Variants in ZNFX1 observed in about 807,000 individuals in gnomAD.
ZNFX1 encodes the protein NFX1-type zinc finger-containing protein 1.
A neutral mutation model predicts 179.8 loss-of-function variants in ZNFX1; 78 were observed. The ratio of observed to expected loss-of-function variants is 0.43; its 90% CI spans 0.36 to 0.52. The LOEUF is 0.52. Ranked by LOEUF, ZNFX1 falls within the 20% of genes least tolerant of loss-of-function variation. The pLI, the probability that ZNFX1 is intolerant of heterozygous loss-of-function variation, is 0.00. For synonymous variants in ZNFX1, 848 were observed against 868.5 expected (o/e 0.98, Z 0.42); for missense variants, 1,927 against 2,386.6 (o/e 0.81, Z 4.01).
At position 49,252,733 on chromosome 20, in the gene ZNFX1, C is replaced by T. The variant is rs754075576; in HGVS notation, c.3203G>A (p.Arg1068His). ...CCAGCTTCTCACCTGGTAATTCAGA[C>T]GGACAAAGGGAATGTTTACTTTCAC... ...RLVKVNIPFV[R>H]LNYQHRMCPE... Residue 1068 changes from arginine (R) to histidine (H), a missense_variant, in exon 12 of 14, where the codon CGT (arginine) becomes CAT (histidine). Coordinates refer to ENST00000396105, the MANE Select transcript of ZNFX1 (RefSeq NM_021035.3). 6.1e-5 allele frequency: 98 copies of T among 1,613,636 alleles called. No homozygotes were observed. The South Asian group carries it at 7.1e-4, about 12-fold the overall frequency.
intron 8 of ZNFX1, 94 bp from the exon 9 acceptor site, chr20:49,256,041 C>T: frequency 2.8e-6 from 4 of 1,424,422 alleles, no homozygotes; most frequent in Non-Finnish European, 2.9e-6. Flanking sequence ...AGAAAAAGGG[C>T]TGGCATCACT....
In ZNFX1 at chr20:49,264,741, A is replaced by C; in HGVS notation, c.2126T>G (p.Met709Arg). The C allele has an allele frequency of 6.2e-7, 1 of 1,614,124 alleles. No homozygotes were observed. Among genetic ancestry groups the C allele is most frequent in the Non-Finnish European group, 8.5e-7 (1 of 1,180,030 alleles). Residue 709 changes from methionine (M) to arginine (R), a missense_variant, in exon 5 of 14, where the codon ATG becomes AGG. Met to Arg is a moderately conservative substitution (Grantham distance 91, BLOSUM62 -1). Transcript: ENST00000396105. The stretch of plus-strand genomic sequence containing the variant: ...ACTCATGTAGGCCCTTCGGAGGTGC[A>C]TGGGGAGGTTGCGGCGGAATTCCCG... Reference protein sequence around the residue: ...NKREFRRNLPMHLRRAYMSIM... With the variant: ...NKREFRRNLPRHLRRAYMSIM...
chr20:49,268,003 A>G (rs1667710803), intron 3 of ZNFX1, among the ~76,000 whole-genome samples: 1 of 151,812 alleles, frequency 6.6e-6, no homozygotes. Flanking sequence ...CCTCCCGAGT[A>G]GCTGGGACTA....
chr20:49,248,263 C>G lies in ZNFX1; in HGVS notation c.4761G>C (p.Gln1587His). 1 of 1,614,176 alleles carries G rather than the reference C, an allele frequency of 6.2e-7. No individual in the cohort carries two copies. The highest frequency in any genetic ancestry group is 8.5e-7 in the Non-Finnish European group (1 of 1,180,040). ...CAAAGATGTGGCTGCAGTCTTCCAG[C>G]TGCACAAAGCGGGCATCAGGCTCAT... The part of the protein sequence containing the change: ...FEDEPDARFV[Q>H]LEDCSHIFEV... The change falls in exon 14 of 14, where the codon CAG becomes CAC. Residue 1587 changes from glutamine (Q) to histidine (H), a missense_variant. Coordinates refer to ENST00000396105, the MANE Select transcript of ZNFX1 (RefSeq NM_021035.3). This position sits in a 1 kb window ranked among gnomAD's most constrained non-coding sequence, Gnocchi z 4.6.
chr20:49,270,136 G>A lies in ZNFX1; in HGVS notation c.1676C>T (p.Pro559Leu). The A allele has an allele frequency of 6.2e-7, 1 of 1,614,160 alleles. No individual in the cohort carries two copies. Among genetic ancestry groups the A allele is most frequent in the South Asian group, 1.1e-5 (1 of 91,074 alleles). The change falls in exon 3 of 14, where the codon CCC becomes CTC. Residue 559 changes from proline to leucine, a missense_variant. Transcript: ENST00000396105. This position sits in a 1 kb window ranked among gnomAD's most constrained non-coding sequence, Gnocchi z 4.6. ...LLMGGRYDFTPLIENPSATGE... is the reference protein window; with the variant it reads ...LLMGGRYDFTLLIENPSATGE... Reference sequence around the variant, plus strand: ...AGTGGCTGAAGGATTCTCTATTAAGGGGGTAAAGTCGTATCTGCCCCCCAT... The same window carrying A: ...AGTGGCTGAAGGATTCTCTATTAAGAGGGTAAAGTCGTATCTGCCCCCCAT...
chr20:49,259,634 G>T (rs1981067254), intron 7 of ZNFX1, among the ~76,000 whole-genome samples: 1 of 151,650 alleles, frequency 6.6e-6, no homozygotes, highest in Non-Finnish European at 1.5e-5. Flanking sequence ...TCATTATGTT[G>T]CCCAGGCTGG....
rs186814391 is a variant in ZNFX1 at position 49,252,609 on chromosome 20, T to A, written c.3216+111A>T. ...AGAAAATGTAAGGTTGACAGAGTCA[T>A]TTCAGTATTAAATTATTTTTATTTA... On this transcript the variant is annotated intron_variant, in intron 12 of 13. Coordinates refer to ENST00000396105, the MANE Select transcript of ZNFX1 (RefSeq NM_021035.3). 49 of 684,586 alleles carry A rather than the reference T, an allele frequency of 7.2e-5. 1 individual carries two copies. In the Admixed American group the frequency reaches 1.3e-3, roughly 19 times the overall value. The allele number at this position is 684,586 out of a possible 1,614,324, so 42.4% of individuals were successfully genotyped here. A position where few individuals can be genotyped will look rare whatever the true frequency, so the allele number is the denominator to read the frequency against.
Position 49,270,533 on chromosome 20 carries a change from C to T in ZNFX1, c.1279G>A (p.Val427Ile). The change falls in exon 3 of 14, where the codon GTC (valine) becomes ATC (isoleucine). Residue 427 changes from valine (V) to isoleucine (I), a missense_variant. Coordinates refer to ENST00000396105, the MANE Select transcript of ZNFX1 (RefSeq NM_021035.3). This position sits in a 1 kb window ranked among gnomAD's most constrained non-coding sequence, Gnocchi z 4.6. ...ITPMCSSSGI[V>I]YKVQFDTKPL... ...TTTGTGTCAAACTGCACCTTGTAGA[C>T]TATGCCTGATGATGAACACATGGGG... is the stretch of plus-strand genomic sequence containing the variant. The T allele has an allele frequency of 6.2e-7, 1 of 1,614,268 alleles. No homozygotes were observed. Among genetic ancestry groups the T allele is most frequent in the Non-Finnish European group, 8.5e-7 (1 of 1,180,054 alleles).
At chr20:49,276,886 A>G (rs751481357) in intron 1 of ZNFX1, among the ~76,000 whole-genome samples, 4 of 152,156 alleles carry the variant, frequency 2.6e-5, no homozygotes, top group African/African-American at 9.7e-5. Context: ...CTCCTGGCGC[A>G]GGCTCAGTAT....
intron 1 of ZNFX1, among the ~76,000 whole-genome samples, chr20:49,276,997 CG>C (rs1981581559): frequency 6.7e-6 from 1 of 148,568 alleles, no homozygotes; most frequent in Non-Finnish European, 1.5e-5. Flanking sequence ...TTAAAAGAAA[CG>C]GAAGAAAAGA....
In ZNFX1 at chr20:49,248,672, C is replaced by T; in HGVS notation, c.4352G>A (p.Ser1451Asn). 1 of 1,613,200 alleles carries T rather than the reference C, an allele frequency of 6.2e-7. No individual in the cohort carries two copies. The highest frequency in any genetic ancestry group is 1.3e-5 in the African/African-American group (1 of 75,070). The change falls in exon 14 of 14, where the codon AGC becomes AAC. Residue 1451 changes from serine to asparagine, a missense_variant. Ser to Asn is a conservative substitution (Grantham distance 46). Transcript: ENST00000396105. This position sits in a 1 kb window ranked among gnomAD's most constrained non-coding sequence, Gnocchi z 4.6. ...TTCATGGAAACGCCCTTCGAAGCAG[C>T]TGTGGCAGGAGCCTGGGCAAGGATG... ...CGHPCPGSCH[S>N]CFEGRFHERC... is the part of the protein sequence containing the mutation.
chr20:49,274,331 A>T (rs886828336), intron 2 of ZNFX1, among the ~76,000 whole-genome samples: 1 of 152,268 alleles, frequency 6.6e-6, no homozygotes, highest in Non-Finnish European at 1.5e-5. Context: ...AGGGAAATAA[A>T]TATATGTGAA....
intron 3 of ZNFX1, among the ~76,000 whole-genome samples, chr20:49,267,458 T>C (rs1265490090): frequency 1.3e-5 from 2 of 149,442 alleles, no homozygotes; most frequent in African/African-American, 4.9e-5. Context: ...CGTCAAGACG[T>C]CCAGCTTTGT....
At chr20:49,268,465 G>C (rs1447451896) in intron 3 of ZNFX1, among the ~76,000 whole-genome samples, 1 of 151,978 alleles carries the variant, frequency 6.6e-6, no homozygotes, top group Non-Finnish European at 1.5e-5. Context: ...TGCCCATTTC[G>C]GGAGGAATGT....
Position 49,248,875 on chromosome 20 carries a change from C to T in ZNFX1, c.4149G>A (p.Gly1383=). The change falls in exon 14 of 14, where the codon GGG becomes GGA. Residue 1383 remains glycine (G), a synonymous_variant. Transcript: ENST00000396105. This position sits in a 1 kb window ranked among gnomAD's most constrained non-coding sequence, Gnocchi z 4.6. ...QEPCSKSLRC[G]HRCSHPCGED... is the part of the protein sequence containing the mutation. ...CACCACATGGGTGGCTGCATCTGTG[C>T]CCACATCTCAGAGACTTGGAGCAAG... 1 of 1,614,258 alleles carries T rather than the reference C, an allele frequency of 6.2e-7. No homozygotes were observed. Among genetic ancestry groups the T allele is most frequent in the South Asian group, 1.1e-5 (1 of 91,086 alleles).
intron 2 of ZNFX1, among the ~76,000 whole-genome samples, chr20:49,275,509 C>A (rs1364675750): frequency 2.6e-5 from 4 of 152,088 alleles, no homozygotes; most frequent in Non-Finnish European, 4.4e-5. Context: ...GCACGCAGCA[C>A]CAAGCCCGGC....
At position 49,263,421 on chromosome 20, in the gene ZNFX1, GC is replaced by G; in HGVS notation, c.2213del (p.Cys738SerfsTer25). The G allele has an allele frequency of 6.2e-7, 1 of 1,612,284 alleles. No individual in the cohort carries two copies. The highest frequency in any genetic ancestry group is 8.5e-7 in the Non-Finnish European group (1 of 1,179,146). ...GTTCCCGTAGGACACCACGCATGGT[GC>G]ACTCCAGGGTCTTGGCTCCTTCATG... ...ELHEGAKTLE[C>X]TMRGVLREQY... On this transcript the variant is annotated frameshift_variant, in exon 6 of 14. Coordinates refer to ENST00000396105, the MANE Select transcript of ZNFX1 (RefSeq NM_021035.3). LOFTEE classifies it high-confidence loss of function.
chr20:49,253,770 T>A lies in ZNFX1; in HGVS notation c.3001A>T (p.Arg1001Trp). 6.2e-7 allele frequency: 1 copy of A among 1,614,184 alleles called. No homozygotes were observed. Among genetic ancestry groups the A allele is most frequent in the South Asian group, 1.1e-5 (1 of 91,090 alleles). ...YRQILQKVEP[R>W]IVIVEEAAEV... ...GCAGCTTCTTCCACTATGACAATCC[T>A]CGGCTCCACCTTCTGTAGGATCTGG... is the stretch of plus-strand genomic sequence containing the variant. Residue 1001 changes from arginine (R) to tryptophan (W), a missense_variant, in exon 11 of 14, where the codon AGG (arginine) becomes TGG (tryptophan). Transcript: ENST00000396105.
intron 3 of ZNFX1, 126 bp downstream of exon 3, chr20:49,269,816 C>T (rs775450120): frequency 2.3e-5 from 28 of 1,217,114 alleles, no homozygotes; most frequent in Admixed American, 7.3e-5. Flanking sequence ...TACCCCTAAA[C>T]CTAAAATAAA....
Sources: allele counts gnomAD v4.1 joint callset (sites outside exome capture counted in the v4.1 genomes callset), GRCh38; gene constraint gnomAD v4.1.1; non-coding constraint Gnocchi (gnomAD v3.1); transcripts MANE v1.5; gene names NCBI Gene and HGNC (gene_info 2026-07-23, HGNC 2026-07-21).